Variants in TMEM178A observed in about 807,000 individuals in gnomAD.
The protein encoded by TMEM178A is transmembrane protein 178A.
A neutral mutation model predicts 29.1 loss-of-function variants in TMEM178A; 12 were observed. The ratio of observed to expected loss-of-function variants is 0.41; its 90% CI spans 0.26 to 0.67. The LOEUF is 0.67. TMEM178A is among the 30% of genes least tolerant of loss of function. The pLI, the probability that TMEM178A is intolerant of heterozygous loss-of-function variation, is 0.29. For missense variants in TMEM178A, 366 were observed against 419.1 expected (o/e 0.87, Z 1.11); for synonymous variants, 210 against 187.2 (o/e 1.12, Z -0.99).
chr2:39,671,131 A>G (rs1670392581), intron 1 of TMEM178A, among the ~76,000 whole-genome samples: 1 of 152,234 alleles, frequency 6.6e-6, no homozygotes, highest in South Asian at 2.1e-4. Flanking sequence ...AGATAAACAG[A>G]TATCAAAGAC....
chr2:39,713,924 A>G lies in TMEM178A; in HGVS notation c.653-3086A>G, dbSNP rs548204955. 7.7e-4 allele frequency among the ~76,000 whole-genome samples: 118 copies of G among 152,278 alleles called. 1 individual carries two copies. The highest frequency in any genetic ancestry group is 2.6e-3 in the African/African-American group (106 of 41,562). On this transcript the variant is annotated intron_variant, in intron 3 of 3. Transcript: ENST00000281961. Reference sequence around the variant, plus strand: ...TGTTTTGTTTTTTAAAATATCTTGAATGGGTTAGGCTTCTTTTACAGAAGC... The same window carrying G: ...TGTTTTGTTTTTTAAAATATCTTGAGTGGGTTAGGCTTCTTTTACAGAAGC...
intron 1 of TMEM178A, among the ~76,000 whole-genome samples, chr2:39,672,027 C>G (rs1670428315): frequency 6.6e-6 from 1 of 152,228 alleles, no homozygotes; most frequent in African/African-American, 2.4e-5. Flanking sequence ...CTAGCTCATA[C>G]TACACAACTC....
chr2:39,698,217 T>C (rs77348106), intron 1 of TMEM178A, among the ~76,000 whole-genome samples: 1,588 of 152,370 alleles, frequency 0.01, 36 homozygotes, highest in East Asian at 0.07. Flanking sequence ...ATTTAATATA[T>C]AGAGTTTGGG....
chr2:39,684,270 G>T (rs779625846), intron 1 of TMEM178A, among the ~76,000 whole-genome samples: 6 of 152,018 alleles, frequency 3.9e-5, no homozygotes, highest in Non-Finnish European at 5.9e-5. Flanking sequence ...TGACTTCATG[G>T]AGTTTAAATT....
At chr2:39,682,310 C>G (rs919312122) in intron 1 of TMEM178A, among the ~76,000 whole-genome samples, 4 of 151,866 alleles carry the variant, frequency 2.6e-5, no homozygotes, top group African/African-American at 9.7e-5. Context: ...GATGTAATGC[C>G]TAGGTTCCCT....
chr2:39,723,333 A>C, the TMEM178A span, among the ~76,000 whole-genome samples: 13 of 152,178 alleles, frequency 8.5e-5, no homozygotes, highest in Non-Finnish European at 4.4e-5. Flanking sequence ...GACCTGAATA[A>C]ATTGTTGAAG....
intron 3 of TMEM178A, among the ~76,000 whole-genome samples, chr2:39,713,368 T>C (rs2215958): frequency 0.59 from 89,936 of 152,162 alleles, 28,199 homozygotes; most frequent in East Asian, 0.84. Flanking sequence ...ACACACATAC[T>C]CACATGTGTG....
intron 1 of TMEM178A, among the ~76,000 whole-genome samples, chr2:39,697,351 T>C (rs1401040935): frequency 6.6e-6 from 1 of 152,242 alleles, no homozygotes; most frequent in East Asian, 1.9e-4. Flanking sequence ...CTTTCTGCTA[T>C]GACAGTGGAA....
At chr2:39,672,312 C>A (rs567073405) in intron 1 of TMEM178A, among the ~76,000 whole-genome samples, 7 of 152,158 alleles carry the variant, frequency 4.6e-5, no homozygotes, top group Non-Finnish European at 1.0e-4. Flanking sequence ...GAATCAATGA[C>A]ATTTTCATTC....
chr2:39,666,400 C>G, intron 1 of TMEM178A, 26 bp downstream of exon 1: 2 of 1,316,496 alleles, frequency 1.5e-6, no homozygotes. Context: ...ACCCCGCGTC[C>G]CCGGCGCCCG....
chr2:39,682,903 C>T (rs1670928555), intron 1 of TMEM178A, among the ~76,000 whole-genome samples: 1 of 152,076 alleles, frequency 6.6e-6, no homozygotes, highest in South Asian at 2.1e-4. Context: ...GTGGGGCATC[C>T]CACACAATTC....
At chr2:39,697,009 A>T (rs1266559900) in intron 1 of TMEM178A, among the ~76,000 whole-genome samples, 13 of 152,100 alleles carry the variant, frequency 8.5e-5, no homozygotes, top group Non-Finnish European at 4.4e-5. Context: ...AGCCAGATTC[A>T]TTGCTCTCTA....
intron 1 of TMEM178A, among the ~76,000 whole-genome samples, chr2:39,673,915 G>A (rs1313380135): frequency 6.6e-6 from 1 of 152,066 alleles, no homozygotes; most frequent in East Asian, 1.9e-4. Flanking sequence ...TGAAAAACAG[G>A]GGTGGTCCCA....
intron 1 of TMEM178A, among the ~76,000 whole-genome samples, chr2:39,671,551 T>G (rs1670409281): frequency 1.3e-5 from 2 of 152,152 alleles, no homozygotes; most frequent in Non-Finnish European, 1.5e-5. Context: ...TAAGACTTCG[T>G]TTTTCTTTCC....
At chr2:39,696,621 G>C (rs1197361929) in intron 1 of TMEM178A, among the ~76,000 whole-genome samples, 1 of 152,122 alleles carries the variant, frequency 6.6e-6, no homozygotes, top group Non-Finnish European at 1.5e-5. Flanking sequence ...CTGACCGCAA[G>C]GTCTTTAACC....
chr2:39,673,493 C>T (rs905237281), intron 1 of TMEM178A, among the ~76,000 whole-genome samples: 1 of 152,206 alleles, frequency 6.6e-6, no homozygotes, highest in South Asian at 2.1e-4. Context: ...TCAATCAACT[C>T]ATTTTTCCCC....
intron 1 of TMEM178A, among the ~76,000 whole-genome samples, chr2:39,692,992 T>TA (rs1387058618): frequency 6.6e-6 from 1 of 152,002 alleles, no homozygotes; most frequent in Admixed American, 6.6e-5. Flanking sequence ...ATGTTCACTC[T>TA]AAAAAAAATT....
At chr2:39,716,177 C>G (rs72936030) in intron 3 of TMEM178A, among the ~76,000 whole-genome samples, 4,188 of 152,322 alleles carry the variant, frequency 0.027, 183 homozygotes, top group African/African-American at 0.095. Flanking sequence ...GATCCTCTGC[C>G]TATCCAAAAG....
At chr2:39,695,408 G>T (rs981127956) in intron 1 of TMEM178A, among the ~76,000 whole-genome samples, 3 of 149,898 alleles carry the variant, frequency 2.0e-5, no homozygotes, top group East Asian at 1.9e-4. Context: ...TTAATGAAGA[G>T]GCAGACTTTC....
Sources: gnomAD v4.1 joint callset for allele counts (sites outside exome capture counted in the v4.1 genomes callset) on GRCh38, gnomAD v4.1.1 for gene constraint, MANE v1.5 for transcripts, NCBI Gene and HGNC (gene_info 2026-07-23, HGNC 2026-07-21) for gene names.